Variants in NRG1 observed in about 807,000 individuals in gnomAD.
The protein encoded by NRG1 is neuregulin 1, also known as pro-neuregulin-1, membrane-bound isoform.
A neutral mutation model predicts 63.8 loss-of-function variants in NRG1; 18 were observed. That is an observed-to-expected ratio of 0.28 (90% CI 0.19 to 0.42). The LOEUF (loss-of-function observed/expected upper bound fraction) is 0.42. Among genes scored for constraint, NRG1 ranks in the 10% least tolerant of loss-of-function variants. The probability of loss-of-function intolerance (pLI) is 1.00; values close to 1 mark genes in which losing one functional copy is unlikely to be tolerated. For missense variants in NRG1, 762 were observed against 814.7 expected, an observed-to-expected ratio of 0.94 and a Z score of 0.79; for synonymous variants, 302 against 301.3, an observed-to-expected ratio of 1.00 and a Z score of -0.02.
chr8:31,819,844 A>T (rs1823832670), intron 1 of NRG1, among the ~76,000 whole-genome samples: 1 of 152,196 alleles, frequency 6.6e-6, no homozygotes, highest in Non-Finnish European at 1.5e-5. Flanking sequence ...GCAATACAGG[A>T]TTCTTATATA....
chr8:31,998,117 A>G (rs2129633672), intron 1 of NRG1, among the ~76,000 whole-genome samples: 1 of 152,114 alleles, frequency 6.6e-6, no homozygotes, highest in East Asian at 2.0e-4. Flanking sequence ...AGCAATCATA[A>G]TCTTGGTGCA....
chr8:31,886,432 T>A (rs1370650252), intron 1 of NRG1, among the ~76,000 whole-genome samples: 1 of 152,094 alleles, frequency 6.6e-6, no homozygotes, highest in Non-Finnish European at 1.5e-5. Flanking sequence ...GATTACAAAA[T>A]AAATTCTTGT....
chr8:32,067,911 C>T (rs1386048020), intron 1 of NRG1, among the ~76,000 whole-genome samples: 2 of 152,086 alleles, frequency 1.3e-5, no homozygotes, highest in South Asian at 4.1e-4. Context: ...AAGATGAAAA[C>T]ACCTGGATGT....
chr8:31,705,458 A>G (rs575050453), intron 1 of NRG1, among the ~76,000 whole-genome samples: 6 of 152,188 alleles, frequency 3.9e-5, no homozygotes, highest in Middle Eastern at 3.4e-3. Flanking sequence ...CCTTTACCCA[A>G]TCTTGCCACT....
chr8:32,749,852 C>T lies in NRG1; in HGVS notation c.692-4520C>T, dbSNP rs561824792. Reference sequence around the variant, plus strand: ...CTGCTGCAAATTCACATATATCCCACGCTGCTTAACCCACTGATTGGATCT... The same window carrying T: ...CTGCTGCAAATTCACATATATCCCATGCTGCTTAACCCACTGATTGGATCT... On this transcript the variant is annotated intron_variant, in intron 7 of 11. Coordinates refer to ENST00000356819, the Ensembl canonical transcript of NRG1. 7.6e-5 allele frequency: 38 copies of T among 501,622 alleles called. 1 individual carries two copies. The highest frequency in any genetic ancestry group is 6.1e-4 in the East Asian group (17 of 27,964). 31.1% of individuals were successfully genotyped at this position (501,622 alleles called of 1,614,324 possible).
At chr8:32,718,218 G>A (rs545475458) in intron 5 of NRG1, among the ~76,000 whole-genome samples, 11 of 152,246 alleles carry the variant, frequency 7.2e-5, no homozygotes, top group Admixed American at 3.3e-4. Flanking sequence ...CCTAGATTGC[G>A]TGAAGAGTAA....
At chr8:31,855,789 C>G (rs1321574026) in intron 1 of NRG1, among the ~76,000 whole-genome samples, 3 of 152,196 alleles carry the variant, frequency 2.0e-5, no homozygotes, top group South Asian at 2.1e-4. Flanking sequence ...CCTTCAGGAG[C>G]TCTTTTAGGG....
chr8:32,027,458 T>A lies in NRG1; in HGVS notation c.37+388027T>A, dbSNP rs7812305. Among the ~76,000 whole-genome samples, 4 of 62,012 alleles carry A rather than the reference T, an allele frequency of 6.5e-5. 1 individual carries two copies. In the South Asian group the frequency reaches 3.2e-3, roughly 50 times the overall value. 40.7% of individuals were successfully genotyped at this position (62,012 alleles called of 152,430 possible). A position where few individuals can be genotyped will look rare whatever the true frequency, so the allele number is the denominator to read the frequency against. ...CTTCCTTCCTTCCTTCCTTCCTTCCTTCCTTCCTTCCCTCCCTCCCTCCCT... is the reference window on the plus strand; with the variant it reads ...CTTCCTTCCTTCCTTCCTTCCTTCCATCCTTCCTTCCCTCCCTCCCTCCCT... On this transcript the variant is annotated intron_variant, in intron 1 of 10. Transcript: ENST00000519301.
intron 1 of NRG1, among the ~76,000 whole-genome samples, chr8:32,259,089 C>A (rs1458883883): frequency 6.6e-6 from 1 of 152,130 alleles, no homozygotes; most frequent in Non-Finnish European, 1.5e-5. Flanking sequence ...CTCATGAATC[C>A]GAATCCCTGC....
chr8:32,187,982 G>A (rs529723314), intron 1 of NRG1, among the ~76,000 whole-genome samples: 1 of 152,218 alleles, frequency 6.6e-6, no homozygotes, highest in Non-Finnish European at 1.5e-5. Flanking sequence ...TCTGAAGGTC[G>A]ACACTCTCAG....
At chr8:31,677,421 G>A (rs138969739) in intron 1 of NRG1, among the ~76,000 whole-genome samples, 51 of 152,176 alleles carry the variant, frequency 3.4e-4, no homozygotes, top group East Asian at 3.3e-3. Context: ...GATATGGATA[G>A]GTTTGATATC....
At chr8:32,457,114 G>T (rs562250041) in intron 1 of NRG1, among the ~76,000 whole-genome samples, 3 of 152,060 alleles carry the variant, frequency 2.0e-5, no homozygotes, top group African/African-American at 7.2e-5. Context: ...CCTAAGTGAC[G>T]GAGTGAGACT....
chr8:32,138,618 A>G (rs1835854690), intron 1 of NRG1, among the ~76,000 whole-genome samples: 1 of 151,940 alleles, frequency 6.6e-6, no homozygotes, highest in Non-Finnish European at 1.5e-5. Context: ...TGGAGTGCGC[A>G]GTGGTGCAGT....
intron 1 of NRG1, among the ~76,000 whole-genome samples, chr8:32,422,282 AT>A (rs1816789396): frequency 6.6e-6 from 1 of 152,230 alleles, no homozygotes; most frequent in African/African-American, 2.4e-5. Context: ...ATATGATCAT[AT>A]TAAACATATT....
intron 1 of NRG1, among the ~76,000 whole-genome samples, chr8:31,877,621 T>C (rs1462012889): frequency 6.6e-6 from 1 of 152,204 alleles, no homozygotes; most frequent in East Asian, 1.9e-4. Flanking sequence ...CATATACTTG[T>C]AGCTTATTTT....
chr8:32,557,460 G>T (rs899029778), intron 1 of NRG1, among the ~76,000 whole-genome samples: 1 of 152,152 alleles, frequency 6.6e-6, no homozygotes, highest in African/African-American at 2.4e-5. Flanking sequence ...TTTCCATTCT[G>T]TTGTTTCAGT....
intron 1 of NRG1, among the ~76,000 whole-genome samples, chr8:31,780,610 A>G (rs564109173): frequency 4.3e-4 from 65 of 152,342 alleles, no homozygotes; most frequent in African/African-American, 1.4e-3. Flanking sequence ...GAGACATTCT[A>G]TCTTCATTTC....
intron 1 of NRG1, among the ~76,000 whole-genome samples, chr8:32,416,293 A>ACCTT (rs1333451543): frequency 7.0e-6 from 1 of 143,464 alleles, no homozygotes; most frequent in Non-Finnish European, 1.5e-5. Context: ...CCCCGCTTTC[A>ACCTT]CCTTCCTTCC....
chr8:31,994,846 G>A (rs1811707166), intron 1 of NRG1, among the ~76,000 whole-genome samples: 2 of 151,722 alleles, frequency 1.3e-5, no homozygotes, highest in African/African-American at 2.4e-5. Context: ...TTACAGCTGG[G>A]AAGGCCTCTA....
Sources: allele counts gnomAD v4.1 joint callset (sites outside exome capture counted in the v4.1 genomes callset), GRCh38; gene constraint gnomAD v4.1.1; transcripts MANE v1.5; gene names NCBI Gene and HGNC (gene_info 2026-07-23, HGNC 2026-07-21).